Variants in PIK3CD observed in about 807,000 individuals in gnomAD.
PIK3CD encodes the protein phosphatidylinositol-4,5-bisphosphate 3-kinase catalytic subunit delta.
PIK3CD carries 20 observed loss-of-function variants against 122.9 expected under a neutral mutation model. That is an observed-to-expected ratio of 0.16 (90% CI 0.11 to 0.24). The LOEUF is 0.24. Among genes scored for constraint, PIK3CD ranks in the 10% least tolerant of loss-of-function variants. The pLI is 1.00. For synonymous variants in PIK3CD, 596 were observed against 593.4 expected, an observed-to-expected ratio of 1.00 and a Z score of -0.06; for missense variants, 787 against 1,406.3, an observed-to-expected ratio of 0.56 and a Z score of 7.04.
chr1:9,664,214 A>G (rs1039993253), intron 1 of PIK3CD, among the ~76,000 whole-genome samples: 2 of 151,598 alleles, frequency 1.3e-5, no homozygotes, highest in African/African-American at 4.8e-5. Flanking sequence ...ATGCTCGGCT[A>G]ATTTGTGTAT....
the PIK3CD span, among the ~76,000 whole-genome samples, chr1:9,642,298 A>G: frequency 7.9e-5 from 12 of 151,630 alleles, no homozygotes; most frequent in African/African-American, 2.9e-4. Context: ...TTTTTAGTGG[A>G]GACAGGGTTT....
chr1:9,673,055 G>C (rs1034334738), intron 1 of PIK3CD, among the ~76,000 whole-genome samples: 2 of 150,602 alleles, frequency 1.3e-5, no homozygotes, highest in Non-Finnish European at 3.0e-5. Context: ...TCATCTTTCT[G>C]TATGAGGCGT....
At chr1:9,695,283 A>G (rs1392392384) in intron 2 of PIK3CD, among the ~76,000 whole-genome samples, 1 of 152,042 alleles carries the variant, frequency 6.6e-6, no homozygotes, top group East Asian at 1.9e-4. Flanking sequence ...CATGCACCAC[A>G]TAGGAGCTCA....
chr1:9,683,377 G>A (rs189875808), intron 1 of PIK3CD, among the ~76,000 whole-genome samples: 221 of 151,692 alleles, frequency 1.5e-3, no homozygotes, highest in African/African-American at 5.1e-3. Flanking sequence ...GGCAGAGCTT[G>A]GAGTGAGCCG....
Position 9,717,392 on chromosome 1 carries a change from A to AGG in PIK3CD, c.931-144_931-143dup. On this transcript the variant is annotated intron_variant, in intron 7 of 23. Transcript: ENST00000377346. This position sits in a 1 kb window ranked among gnomAD's most constrained non-coding sequence, Gnocchi z 5.4. ...GCCCGCATGGCAGGTTTTCTGGGAA[A>AGG]GGATAGCATTGTGGACAGGCCCAAA... 1 of 776,756 alleles carries AGG rather than the reference A, an allele frequency of 1.3e-6. No homozygotes were observed. Among genetic ancestry groups the AGG allele is most frequent in the Non-Finnish European group, 2.1e-6 (1 of 467,500 alleles). The allele number at this position is 776,756 out of a possible 1,614,324, so 48.1% of individuals were successfully genotyped here. A position where few individuals can be genotyped will look rare whatever the true frequency, so the allele number is the denominator to read the frequency against.
Position 9,652,390 on chromosome 1 carries a change from G to A in PIK3CD, c.-138+588G>A, listed in dbSNP as rs1644702965. On this transcript the variant is annotated intron_variant, in intron 1 of 23. Coordinates refer to ENST00000377346, the MANE Select transcript of PIK3CD (RefSeq NM_005026.5). The surrounding 1 kb of genome is among the most constrained non-coding windows in gnomAD (Gnocchi z 6.2). ...CAAGTGGGGAGCGGGGCTGCAGAGG[G>A]GCCGGGGTGGAAGTTTTCGGGGCTT... Among the ~76,000 whole-genome samples, 5 of 152,230 alleles carry A rather than the reference G, an allele frequency of 3.3e-5. No individual in the cohort carries two copies. In the South Asian group the frequency reaches 1.0e-3, roughly 32 times the overall value.
intron 2 of PIK3CD, among the ~76,000 whole-genome samples, chr1:9,698,147 A>G (rs566435241): frequency 6.6e-6 from 1 of 152,234 alleles, no homozygotes; most frequent in African/African-American, 2.4e-5. Context: ...CATTTTTTCT[A>G]TGCTTTTTTT....
intron 1 of PIK3CD, among the ~76,000 whole-genome samples, chr1:9,678,151 A>C (rs1188363109): frequency 6.6e-6 from 1 of 151,864 alleles, no homozygotes; most frequent in Non-Finnish European, 1.5e-5. Flanking sequence ...TCTCAAAAAA[A>C]AAAAAAACAA....
intron 23 of PIK3CD, among the ~76,000 whole-genome samples, chr1:9,726,478 C>T (rs1649634823): frequency 6.6e-6 from 1 of 152,154 alleles, no homozygotes; most frequent in Non-Finnish European, 1.5e-5. Flanking sequence ...CCCTGCACTC[C>T]AGCCTGGGCG....
chr1:9,637,284 C>T, the PIK3CD span, among the ~76,000 whole-genome samples: 11 of 146,734 alleles, frequency 7.5e-5, no homozygotes, highest in Non-Finnish European at 1.4e-4. Context: ...GATCCCAGTG[C>T]TATGGGAGGC....
intron 23 of PIK3CD, among the ~76,000 whole-genome samples, chr1:9,726,648 A>G (rs1264757041): frequency 6.6e-6 from 1 of 152,138 alleles, no homozygotes; most frequent in African/African-American, 2.4e-5. Context: ...AGTCCCTGCA[A>G]AAGCAGCTGC....
the PIK3CD span, among the ~76,000 whole-genome samples, chr1:9,637,332 C>T: frequency 1.3e-5 from 2 of 152,072 alleles, no homozygotes; most frequent in Non-Finnish European, 2.9e-5. Context: ...GAGTTTGAGA[C>T]CAGCCCAGGC....
In PIK3CD at chr1:9,720,753, G is replaced by C; in HGVS notation, c.1533G>C (p.Leu511=). ...VHVTEEEQLQ[L]REILERRGSG... ...CCCACACCCCTCAGCAGCTGCAGCT[G>C]CGGGAAATCCTGGAGCGGCGGGGGT... is the stretch of plus-strand genomic sequence containing the variant. Residue 511 remains leucine (L), a synonymous_variant, in exon 13 of 24, where the codon CTG becomes CTC. Transcript: ENST00000377346. The surrounding 1 kb of genome is among the most constrained non-coding windows in gnomAD (Gnocchi z 9.0). The C allele has an allele frequency of 6.2e-7, 1 of 1,612,904 alleles. No individual in the cohort carries two copies. Among genetic ancestry groups the C allele is most frequent in the African/African-American group, 1.3e-5 (1 of 74,990 alleles).
At position 9,718,917 on chromosome 1, in the gene PIK3CD, T is replaced by TG; in HGVS notation, c.1242+5dup. ...ACCAAGAAGAAGTCCAAGAAGGCGGTGGGTCCCAGGGCCGGCTGGGAGGGG... is the reference window on the plus strand; with the variant it reads ...ACCAAGAAGAAGTCCAAGAAGGCGGTGGGGTCCCAGGGCCGGCTGGGAGGGG... On this transcript the variant is annotated splice_region_variant and intron_variant, in intron 9 of 23. Coordinates refer to ENST00000377346, the MANE Select transcript of PIK3CD (RefSeq NM_005026.5). The surrounding 1 kb of genome is among the most constrained non-coding windows in gnomAD (Gnocchi z 7.2). The TG allele has an allele frequency of 6.2e-7, 1 of 1,609,154 alleles. No homozygotes were observed. The highest frequency in any genetic ancestry group is 8.5e-7 in the Non-Finnish European group (1 of 1,179,090).
At chr1:9,687,984 C>A (rs896269425) in intron 1 of PIK3CD, among the ~76,000 whole-genome samples, 8 of 152,162 alleles carry the variant, frequency 5.3e-5, no homozygotes, top group African/African-American at 1.9e-4. Context: ...CAGAGGCCGC[C>A]GAGGGCGGAG....
chr1:9,715,978 T>G lies in PIK3CD; in HGVS notation c.500T>G (p.Phe167Cys), dbSNP rs2100846619. Residue 167 changes from phenylalanine (F) to cysteine (C), a missense_variant, in exon 5 of 24, where the codon TTC (phenylalanine) becomes TGC (cysteine). Coordinates refer to ENST00000377346, the MANE Select transcript of PIK3CD (RefSeq NM_005026.5). The surrounding 1 kb of genome is among the most constrained non-coding windows in gnomAD (Gnocchi z 4.1). ...LGWEAWLQYS[F>C]PLQLEPSAQT... ...TGGGAGGCCTGGCTGCAGTACAGTTTCCCCCTGCAGCTGGAGCCCTCGGCT... is the reference window on the plus strand; with the variant it reads ...TGGGAGGCCTGGCTGCAGTACAGTTGCCCCCTGCAGCTGGAGCCCTCGGCT... 6.2e-7 allele frequency: 1 copy of G among 1,612,434 alleles called. No homozygotes were observed.
At chr1:9,653,998 G>C (rs1178096142) in intron 1 of PIK3CD, 1 of 1,320,326 alleles carries the variant, frequency 7.6e-7, no homozygotes, top group Non-Finnish European at 1.0e-6. Context: ...TTGAAGCCAG[G>C]AGTTCAAGGT....
intron 1 of PIK3CD, among the ~76,000 whole-genome samples, chr1:9,668,159 A>G (rs1328951237): frequency 6.6e-6 from 1 of 150,844 alleles, no homozygotes; most frequent in African/African-American, 2.4e-5. Context: ...CAGTGAACCA[A>G]CTCCCCGGGA....
chr1:9,668,250 A>C (rs1025660215), intron 1 of PIK3CD, among the ~76,000 whole-genome samples: 3 of 152,012 alleles, frequency 2.0e-5, no homozygotes, highest in Non-Finnish European at 4.4e-5. Flanking sequence ...TTCAAACCGT[A>C]GCTCTTCCAC....
Sources: allele counts gnomAD v4.1 joint callset (sites outside exome capture counted in the v4.1 genomes callset), GRCh38; gene constraint gnomAD v4.1.1; non-coding constraint Gnocchi (gnomAD v3.1); transcripts MANE v1.5; gene names NCBI Gene and HGNC (gene_info 2026-07-23, HGNC 2026-07-21).